The following CTNNA3 variants were observed in gnomAD, a reference collection of about 807,000 sequenced individuals.
The protein encoded by CTNNA3 is catenin alpha-3.
In CTNNA3, 76 loss-of-function variants were observed where a neutral mutation model predicts 95.7. The observed-to-expected ratio is 0.79, with a 90% CI of 0.66 to 0.96. CTNNA3 has a LOEUF of 0.96. Among genes scored for constraint, CTNNA3 ranks in the 40% least tolerant of loss-of-function variants. The pLI is 0.00. For missense variants in CTNNA3, 1,191 were observed against 1,089.8 expected (o/e 1.09, Z -1.31); for synonymous variants, 431 against 374.4 (o/e 1.15, Z -1.74).
At chr10:66,350,107 G>C (rs1305933660) in intron 12 of CTNNA3, among the ~76,000 whole-genome samples, 2 of 152,094 alleles carry the variant, frequency 1.3e-5, no homozygotes, top group Non-Finnish European at 2.9e-5. Context: ...TATTGTTCTA[G>C]ATAGCAGGCA....
rs1848685459 is a variant in CTNNA3 at position 66,723,336 on chromosome 10, A to G, written c.1281+42928T>C. Reference sequence around the variant, plus strand: ...GCTATTAATGGAGGATGCTGCTACCATCCTACCCAAGGGCCCATTTTTCTA... The same window carrying G: ...GCTATTAATGGAGGATGCTGCTACCGTCCTACCCAAGGGCCCATTTTTCTA... On this transcript the variant is annotated intron_variant, in intron 9 of 17. Transcript: ENST00000433211. Among the ~76,000 whole-genome samples, 4 of 152,276 alleles carry G rather than the reference A, an allele frequency of 2.6e-5. No homozygotes were observed. The South Asian group carries it at 8.3e-4, about 32-fold the overall frequency.
At chr10:66,414,158 G>A (rs1370642362) in intron 11 of CTNNA3, among the ~76,000 whole-genome samples, 2 of 152,092 alleles carry the variant, frequency 1.3e-5, no homozygotes, top group African/African-American at 4.8e-5. Flanking sequence ...CAAATGCTCT[G>A]GTTAGGTAGG....
chr10:65,988,849 T>C, intron 15 of CTNNA3, 52 bp from the exon 16 acceptor site: 1 of 1,272,200 alleles, frequency 7.9e-7, no homozygotes, highest in Non-Finnish European at 1.1e-6. Flanking sequence ...AAAATATATG[T>C]TAGCTACGAT....
chr10:66,783,660 C>G (rs538420760), intron 7 of CTNNA3, among the ~76,000 whole-genome samples: 1 of 152,242 alleles, frequency 6.6e-6, no homozygotes, highest in African/African-American at 2.4e-5. Context: ...ACGACTTTGT[C>G]TACAATATTC....
chr10:66,692,003 AG>A (rs1378571382), intron 9 of CTNNA3, among the ~76,000 whole-genome samples: 20 of 152,206 alleles, frequency 1.3e-4, no homozygotes. Flanking sequence ...AAAACCACAA[AG>A]ACAGGGAAAA....
intron 11 of CTNNA3, among the ~76,000 whole-genome samples, chr10:66,412,112 G>A: frequency 6.6e-6 from 1 of 152,054 alleles, no homozygotes; most frequent in Non-Finnish European, 1.5e-5. Context: ...AGCTGAGTAA[G>A]ACAGGAAACA....
At chr10:65,971,613 G>T (rs901251295) in intron 16 of CTNNA3, among the ~76,000 whole-genome samples, 1 of 151,688 alleles carries the variant, frequency 6.6e-6, no homozygotes, top group Admixed American at 6.6e-5. Context: ...CTCCAAGAAT[G>T]AATTAGAAAG....
At chr10:66,812,808 T>A (rs1276835475) in intron 7 of CTNNA3, among the ~76,000 whole-genome samples, 2 of 152,182 alleles carry the variant, frequency 1.3e-5, no homozygotes, top group Non-Finnish European at 2.9e-5. Context: ...TCTAGATGTA[T>A]AACTGCAAAT....
chr10:66,708,978 A>G (rs901232020), intron 9 of CTNNA3, among the ~76,000 whole-genome samples: 10 of 152,002 alleles, frequency 6.6e-5, no homozygotes, highest in African/African-American at 2.4e-4. Context: ...CTTTTATTCT[A>G]TACTTATCAC....
In CTNNA3 at chr10:66,466,424, C is replaced by T. The variant is rs989388281; in HGVS notation, c.1531+54193G>A. 2.0e-5 allele frequency among the ~76,000 whole-genome samples: 3 copies of T among 151,344 alleles called. No individual in the cohort carries two copies. The South Asian group carries it at 6.3e-4, about 32-fold the overall frequency. On this transcript the variant is annotated intron_variant, in intron 11 of 17. Transcript: ENST00000433211. ...GAACTCCGACCAATATACTTTCATC[C>T]CTGCAAGGACCTCTCATCACAGTAA...
chr10:66,801,538 A>C lies in CTNNA3; in HGVS notation c.1048-26014T>G, dbSNP rs183943451. On this transcript the variant is annotated intron_variant, in intron 7 of 17. Coordinates refer to ENST00000433211, the MANE Select transcript of CTNNA3 (RefSeq NM_013266.4). ...GCATCAAAAGTTATAAAATACACAA[A>C]GGTAAATGTAATAAAAAGTTTAAAA... Among the ~76,000 whole-genome samples, 32 of 151,746 alleles carry C rather than the reference A, an allele frequency of 2.1e-4. No homozygotes were observed. In the East Asian group the frequency reaches 6.2e-3, roughly 29 times the overall value.
At chr10:66,631,669 C>T (rs371822260) in intron 9 of CTNNA3, among the ~76,000 whole-genome samples, 1 of 152,232 alleles carries the variant, frequency 6.6e-6, no homozygotes, top group African/African-American at 2.4e-5. Flanking sequence ...CAGCAAGTGT[C>T]ATGCTCAAAA....
intron 9 of CTNNA3, among the ~76,000 whole-genome samples, chr10:66,641,164 C>T (rs1845504091): frequency 6.6e-6 from 1 of 152,014 alleles, no homozygotes; most frequent in Non-Finnish European, 1.5e-5. Context: ...AAATTATAGT[C>T]ATTGCAATAA....
chr10:67,558,091 T>C, intron 3 of CTNNA3, among the ~76,000 whole-genome samples: 1 of 152,190 alleles, frequency 6.6e-6, no homozygotes, highest in East Asian at 1.9e-4. Context: ...TTCCAACCTT[T>C]CTAAACATGG....
chr10:65,923,588 G>T (rs1466606824), intron 17 of CTNNA3, among the ~76,000 whole-genome samples: 2 of 152,164 alleles, frequency 1.3e-5, no homozygotes, highest in African/African-American at 2.4e-5. Context: ...GTTAAATCCA[G>T]GCAAAGTGGT....
intron 1 of CTNNA3, among the ~76,000 whole-genome samples, chr10:67,712,336 T>A (rs533074982): frequency 5.3e-5 from 8 of 152,326 alleles, no homozygotes; most frequent in Middle Eastern, 3.4e-3. Context: ...GAAATTTGCA[T>A]AAATAATGAG....
intron 15 of CTNNA3, among the ~76,000 whole-genome samples, chr10:66,016,510 C>G (rs574355967): frequency 1.3e-5 from 2 of 152,226 alleles, no homozygotes; most frequent in African/African-American, 4.8e-5. Context: ...GTATTTTAGG[C>G]TTTATTATTT....
chr10:66,801,136 A>T (rs182842159), intron 7 of CTNNA3, among the ~76,000 whole-genome samples: 2 of 151,516 alleles, frequency 1.3e-5, no homozygotes, highest in Admixed American at 1.3e-4. Flanking sequence ...GGTCTTAGTC[A>T]ATCCAATGAG....
chr10:67,609,366 C>G (rs1285931354), intron 2 of CTNNA3, among the ~76,000 whole-genome samples: 1 of 151,990 alleles, frequency 6.6e-6, no homozygotes, highest in Admixed American at 6.6e-5. Context: ...CTCAGTAGTC[C>G]CTAGAGATTT....
Sources: gnomAD v4.1 joint callset for allele counts (sites outside exome capture counted in the v4.1 genomes callset) on GRCh38, gnomAD v4.1.1 for gene constraint, MANE v1.5 for transcripts, NCBI Gene and HGNC (gene_info 2026-07-23, HGNC 2026-07-21) for gene names.